The following N4BP1 variants were observed in gnomAD, a reference collection of about 807,000 sequenced individuals.
N4BP1 encodes the protein NEDD4-binding protein 1.
Under a neutral mutation model 70.9 loss-of-function variants are expected in N4BP1, and 21 were observed. The observed-to-expected ratio is 0.30, with a 90% CI of 0.21 to 0.43. The LOEUF (loss-of-function observed/expected upper bound fraction) is 0.43. Ranked by LOEUF, N4BP1 falls within the 20% of genes least tolerant of loss-of-function variation. The pLI is 1.00. For synonymous variants in N4BP1, 387 were observed against 394.6 expected (o/e 0.98, Z 0.23); for missense variants, 936 against 1,069.4 (o/e 0.88, Z 1.74).
chr16:48,607,837 A>G (rs771737975), intron 1 of N4BP1, among the ~76,000 whole-genome samples: 37 of 151,310 alleles, frequency 2.4e-4, no homozygotes, highest in African/African-American at 4.6e-4. Context: ...ACTTGGTTCT[A>G]TATCTACAAT....
chr16:48,602,836 A>T (rs928051018), intron 1 of N4BP1, among the ~76,000 whole-genome samples: 2 of 145,622 alleles, frequency 1.4e-5, no homozygotes, highest in Non-Finnish European at 3.1e-5. Context: ...AATAAATAAA[A>T]GCCCAGCATG....
At position 48,538,850 on chromosome 16, in the gene N4BP1, A is replaced by G. The variant is rs1963443824; in HGVS notation, c.*4054T>C. 1 of 152,916 alleles carries G rather than the reference A, an allele frequency of 6.5e-6. No individual in the cohort carries two copies. The highest frequency in any genetic ancestry group is 2.4e-5 in the African/African-American group (1 of 41,444). The allele number at this position is 152,916 out of a possible 1,614,324, so 9.5% of individuals were successfully genotyped here. A position where few individuals can be genotyped will look rare whatever the true frequency, so the allele number is the denominator to read the frequency against. ...GAGCTCACAGTCTAGAAAGGGCAGC[A>G]AGACAGTACACAATCAGTGGCAGCA... is the stretch of plus-strand genomic sequence containing the variant. On this transcript the variant is annotated 3_prime_UTR_variant, in exon 7 of 7. Coordinates refer to ENST00000262384, the MANE Select transcript of N4BP1 (RefSeq NM_153029.4).
chr16:48,567,134 A>T (rs911480483), intron 1 of N4BP1, among the ~76,000 whole-genome samples: 1 of 152,160 alleles, frequency 6.6e-6, no homozygotes, highest in Non-Finnish European at 1.5e-5. Flanking sequence ...TAATTTCATT[A>T]TATGTTTTTA....
At chr16:48,549,544 G>A (rs145140085) in intron 4 of N4BP1, among the ~76,000 whole-genome samples, 13 of 152,328 alleles carry the variant, frequency 8.5e-5, no homozygotes, top group African/African-American at 1.7e-4. Context: ...GTCCCTGCCC[G>A]TGTCACAGAG....
In N4BP1 at chr16:48,542,774, T is replaced by C; in HGVS notation, c.*130A>G. ...ACCCAGATTTATACCCAAAACATTTTTTTTCTGTACAACTGCGTTTACACT... is the reference window on the plus strand; with the variant it reads ...ACCCAGATTTATACCCAAAACATTTCTTTTCTGTACAACTGCGTTTACACT... On this transcript the variant is annotated 3_prime_UTR_variant, in exon 7 of 7. Coordinates refer to ENST00000262384, the MANE Select transcript of N4BP1 (RefSeq NM_153029.4). 1 of 821,668 alleles carries C rather than the reference T, an allele frequency of 1.2e-6. No homozygotes were observed. Among genetic ancestry groups the C allele is most frequent in the Non-Finnish European group, 1.8e-6 (1 of 567,858 alleles). 50.9% of individuals were successfully genotyped at this position (821,668 alleles called of 1,614,324 possible). A position where few individuals can be genotyped will look rare whatever the true frequency, so the allele number is the denominator to read the frequency against.
At chr16:48,599,632 G>T (rs1948236083) in intron 1 of N4BP1, among the ~76,000 whole-genome samples, 1 of 152,252 alleles carries the variant, frequency 6.6e-6, no homozygotes, top group Non-Finnish European at 1.5e-5. Flanking sequence ...CACTTTTTAG[G>T]AATTATAATT....
rs998059785 is a variant in N4BP1 at position 48,558,052 on chromosome 16, A to G, written c.1889+2702T>C. ...ACTACGTTCGCAATGCCGTGCAACC[A>G]CCACTTACATCTAGTTCCAAAATGT... On this transcript the variant is annotated intron_variant, in intron 2 of 6. Coordinates refer to ENST00000262384, the MANE Select transcript of N4BP1 (RefSeq NM_153029.4). Among the ~76,000 whole-genome samples, 8 of 152,324 alleles carry G rather than the reference A, an allele frequency of 5.3e-5. No homozygotes were observed. The East Asian group carries it at 1.5e-3, about 29-fold the overall frequency.
chr16:48,599,861 G>A (rs1457270761), intron 1 of N4BP1, among the ~76,000 whole-genome samples: 1 of 152,092 alleles, frequency 6.6e-6, no homozygotes, highest in Non-Finnish European at 1.5e-5. Context: ...AGCTGCAGTG[G>A]TCATTTTGTG....
rs1215861209 is a variant in N4BP1, at chr16:48,561,944, C to T, written c.699G>A (p.Gln233=). 1 of 1,613,972 alleles carries T rather than the reference C, an allele frequency of 6.2e-7. No homozygotes were observed. The highest frequency in any genetic ancestry group is 8.5e-7 in the Non-Finnish European group (1 of 1,179,890). Residue 233 remains glutamine, a synonymous_variant, in exon 2 of 7, where the codon CAG becomes CAA. Transcript: ENST00000262384. The part of the protein sequence containing the change: ...LNISRDETVL[Q]EEARNKAGTP... Reference sequence around the variant, plus strand: ...TCCCAGCTTTATTTCTTGCCTCTTCCTGCAAAACAGTTTCATCTCTAGAAA... The same window carrying T: ...TCCCAGCTTTATTTCTTGCCTCTTCTTGCAAAACAGTTTCATCTCTAGAAA...
chr16:48,557,382 G>C (rs764327161), intron 2 of N4BP1, among the ~76,000 whole-genome samples: 48 of 152,142 alleles, frequency 3.2e-4, no homozygotes, highest in African/African-American at 1.1e-3. Context: ...GCAGCTCTGG[G>C]GAAAGACATT....
chr16:48,576,415 T>C (rs1439390666), intron 1 of N4BP1, among the ~76,000 whole-genome samples: 1 of 152,220 alleles, frequency 6.6e-6, no homozygotes, highest in African/African-American at 2.4e-5. Context: ...CTTCCCTGCA[T>C]GGTCATACTG....
rs1277003141 is a variant in N4BP1, at chr16:48,560,785, T to C, written c.1858A>G (p.Ile620Val). The change falls in exon 2 of 7, where the codon ATT becomes GTT. Residue 620 changes from isoleucine (I) to valine (V), a missense_variant. Ile to Val is a conservative substitution (Grantham distance 29, BLOSUM62 3). Coordinates refer to ENST00000262384, the MANE Select transcript of N4BP1 (RefSeq NM_153029.4). Reference protein sequence around the residue: ...NEPGRTDLKHIVIDGSNVAIT... With the variant: ...NEPGRTDLKHVVIDGSNVAIT... Reference sequence around the variant, plus strand: ...GCAACATTGCTCCCATCTATAACAATGTGTTTCAAATCCGTTCTCCCTGGT... The same window carrying C: ...GCAACATTGCTCCCATCTATAACAACGTGTTTCAAATCCGTTCTCCCTGGT... 3 of 1,611,218 alleles carry C rather than the reference T, an allele frequency of 1.9e-6. No homozygotes were observed. Among genetic ancestry groups the C allele is most frequent in the African/African-American group, 1.3e-5 (1 of 74,876 alleles).
At chr16:48,592,112 T>G (rs7191028) in intron 1 of N4BP1, among the ~76,000 whole-genome samples, 1 of 151,844 alleles carries the variant, frequency 6.6e-6, no homozygotes, top group East Asian at 1.9e-4. Flanking sequence ...AGAGATGAGA[T>G]TCCCATGGGG....
intron 1 of N4BP1, among the ~76,000 whole-genome samples, chr16:48,608,016 C>A (rs1250863281): frequency 6.6e-6 from 1 of 152,174 alleles, no homozygotes; most frequent in Non-Finnish European, 1.5e-5. Flanking sequence ...CGCGTACCAC[C>A]ACGCCGGGCT....
At chr16:48,596,598 G>C (rs1425071962) in intron 1 of N4BP1, among the ~76,000 whole-genome samples, 1 of 152,202 alleles carries the variant, frequency 6.6e-6, no homozygotes, top group African/African-American at 2.4e-5. Context: ...AGGAAATTAT[G>C]ACAGTGAAAG....
In N4BP1 at chr16:48,609,866, G is replaced by C. The variant is rs1567450989; in HGVS notation, c.107C>G (p.Ala36Gly). The C allele has an allele frequency of 6.7e-7, 1 of 1,486,778 alleles. No individual in the cohort carries two copies. 92.1% of individuals were successfully genotyped at this position (1,486,778 alleles called of 1,614,324 possible). ...CTCAGCCCCTAGCGCGCCGAGCACG[G>C]CTAGGCTCACGCCAAACAGGCCCTC... is the stretch of plus-strand genomic sequence containing the variant. ...RIEGLFGVSL[A>G]VLGALGAEEP... Residue 36 changes from alanine (A) to glycine (G), a missense_variant, in exon 1 of 7, where the codon GCC (alanine) becomes GGC (glycine). Physicochemically the swap from Ala to Gly is moderately conservative, Grantham distance 60. This residue lies in a region of N4BP1 where 187 missense variants were observed against 217.1 expected (regional missense o/e 0.86). Coordinates refer to ENST00000262384, the MANE Select transcript of N4BP1 (RefSeq NM_153029.4).
intron 2 of N4BP1, 136 bp downstream of exon 2, chr16:48,560,618 T>TC: frequency 8.5e-7 from 1 of 1,176,782 alleles, no homozygotes; most frequent in Non-Finnish European, 1.2e-6. Context: ...TGGTTCCCAT[T>TC]CCCCTCCACC....
At chr16:48,572,707 G>A (rs1243248589) in intron 1 of N4BP1, among the ~76,000 whole-genome samples, 1 of 152,136 alleles carries the variant, frequency 6.6e-6, no homozygotes. Context: ...GTGGATTGGA[G>A]GAGGGAAGAG....
intron 2 of N4BP1, 58 bp downstream of exon 2, chr16:48,560,694 TTC>T (rs750390921): frequency 1.8e-5 from 28 of 1,535,608 alleles, no homozygotes; most frequent in African/African-American, 1.5e-4. Flanking sequence ...ATACATGTGA[TTC>T]TGAGACACCA....
Sources: gnomAD v4.1 joint callset for allele counts (sites outside exome capture counted in the v4.1 genomes callset) on GRCh38, gnomAD v4.1.1 for gene constraint, gnomAD v4.1.1 regional missense constraint, MANE v1.5 for transcripts, NCBI Gene and HGNC (gene_info 2026-07-23, HGNC 2026-07-21) for gene names.